Variants in BRD4 observed in about 807,000 individuals in gnomAD.
The protein encoded by BRD4 is bromodomain-containing protein 4.
In BRD4, 16 loss-of-function variants were observed where a neutral mutation model predicts 142.1. That is an observed-to-expected ratio of 0.11 (90% CI 0.08 to 0.17). The LOEUF (loss-of-function observed/expected upper bound fraction) is 0.17, where lower values mean the gene tolerates loss of function less well. BRD4 is among the 10% of genes least tolerant of loss of function. The probability of loss-of-function intolerance (pLI) is 1.00; values close to 1 mark genes in which losing one functional copy is unlikely to be tolerated. For missense variants in BRD4, 1,424 were observed against 1,810.9 expected (o/e 0.79, Z 3.88); for synonymous variants, 833 against 707.5 (o/e 1.18, Z -2.82).
chr19:15,264,817 C>T lies in BRD4; in HGVS notation c.850-51G>A, dbSNP rs1296204951. On this transcript the variant is annotated intron_variant, in intron 5 of 19. Coordinates refer to ENST00000679869, the MANE Select transcript of BRD4 (RefSeq NM_001379291.1). ...GCACAGTCAGAAGTGGCAGCCGGCACAGCTGCCCTCAGGGTCACCCCCAAA... is the reference window on the plus strand; with the variant it reads ...GCACAGTCAGAAGTGGCAGCCGGCATAGCTGCCCTCAGGGTCACCCCCAAA... 7 of 1,555,182 alleles carry T rather than the reference C, an allele frequency of 4.5e-6. No homozygotes were observed. In the South Asian group the frequency reaches 7.4e-5, roughly 16 times the overall value.
At position 15,239,203 on chromosome 19, in the gene BRD4, G is replaced by C; in HGVS notation, c.3638C>G (p.Pro1213Arg). 1.9e-6 allele frequency: 3 copies of C among 1,613,136 alleles called. No homozygotes were observed. Among genetic ancestry groups the C allele is most frequent in the Non-Finnish European group, 2.5e-6 (3 of 1,180,016 alleles). The change falls in exon 18 of 20, where the codon CCC (proline) becomes CGC (arginine). Residue 1213 changes from proline (P) to arginine (R), a missense_variant. Around this residue, in one of 16 missense-constraint regions of BRD4, gnomAD observed 49 missense variants for 97.3 expected, o/e 0.50. Transcript: ENST00000679869. The surrounding 1 kb of genome is among the most constrained non-coding windows in gnomAD (Gnocchi z 7.4). The stretch of plus-strand genomic sequence containing the variant: ...GCTGGATGACTTGGCTGTGGAGGAG[G>C]GGGTGGTCGGATGCTTCTGCACTAG... Reference protein sequence around the residue: ...ASLVQKHPTTPSSTAKSSSDS... With the variant: ...ASLVQKHPTTRSSTAKSSSDS...
chr19:15,257,460 C>T (rs983128964), intron 7 of BRD4: 4 of 480,378 alleles, frequency 8.3e-6, no homozygotes, highest in East Asian at 7.0e-5. Context: ...GACATGAGAC[C>T]CAGGCCACTA....
At chr19:15,273,271 C>G (rs2047609906) in intron 1 of BRD4, 138 bp from the exon 2 acceptor site, 8 of 794,394 alleles carry the variant, frequency 1.0e-5, no homozygotes, top group Non-Finnish European at 1.4e-5. Context: ...GAGGGACCAC[C>G]CCATGCTTTG....
At chr19:15,274,091 G>C (rs922168977) in intron 1 of BRD4, among the ~76,000 whole-genome samples, 1 of 152,208 alleles carries the variant, frequency 6.6e-6, no homozygotes, top group African/African-American at 2.4e-5. Context: ...GTGGAGATAG[G>C]AGGCCAGTGA....
intron 11 of BRD4, among the ~76,000 whole-genome samples, chr19:15,252,114 G>C (rs1289483310): frequency 6.6e-6 from 1 of 152,170 alleles, no homozygotes; most frequent in South Asian, 2.1e-4. Flanking sequence ...GGCAGGAGGG[G>C]TGTGGGGCAC....
rs1383276583 is a variant in BRD4, at chr19:15,278,145, A to C, written c.-34-5012T>G. 4.1e-5 allele frequency among the ~76,000 whole-genome samples: 6 copies of C among 148,082 alleles called. 1 individual carries two copies. The highest frequency in any genetic ancestry group is 4.3e-4 in the South Asian group (2 of 4,650). On this transcript the variant is annotated intron_variant, in intron 1 of 19. Coordinates refer to ENST00000679869, the MANE Select transcript of BRD4 (RefSeq NM_001379291.1). ...AAAAAAAAAAAAAAAAAAAAATCAA[A>C]ATCAACATCAACAGGAGATGCAGGT...
At chr19:15,322,960 G>A (rs576736190) in intron 1 of BRD4, among the ~76,000 whole-genome samples, 2 of 151,688 alleles carry the variant, frequency 1.3e-5, no homozygotes, top group South Asian at 4.2e-4. Context: ...TGAGGCAGGA[G>A]AATGGCGTGG....
intron 11 of BRD4, among the ~76,000 whole-genome samples, chr19:15,252,019 C>T (rs2047353057): frequency 6.6e-6 from 1 of 152,204 alleles, no homozygotes; most frequent in South Asian, 2.1e-4. Context: ...GACAGCTGTT[C>T]CCAGGACTCT....
chr19:15,265,453 G>A lies in BRD4; in HGVS notation c.750C>T (p.Pro250=). The change falls in exon 5 of 20, where the codon CCC becomes CCT. Residue 250 remains proline (P), a synonymous_variant. Coordinates refer to ENST00000679869, the MANE Select transcript of BRD4 (RefSeq NM_001379291.1). ...TVVPPQPLQT[P]PPVPPQPQPP... ...GTTGTGGCTGGGGGGGCACTGGCGG[G>A]GGCGTCTGCAGTGGCTGGGGAGGCA... 1 of 1,582,450 alleles carries A rather than the reference G, an allele frequency of 6.3e-7. No homozygotes were observed. Among genetic ancestry groups the A allele is most frequent in the Non-Finnish European group, 8.6e-7 (1 of 1,162,512 alleles).
At position 15,331,592 on chromosome 19, in the gene BRD4, C is replaced by G. The variant is rs890007954; in HGVS notation, c.-35+698G>C. Among the ~76,000 whole-genome samples the G allele has an allele frequency of 3.9e-5, 6 of 152,190 alleles. No homozygotes were observed. In the South Asian group the frequency reaches 1.2e-3, roughly 31 times the overall value. ...GCCCTGAGGCCTGGCCTCAGACCGGCGTGCAGCCGCAGCCACCTCCCTCCG... is the reference window on the plus strand; with the variant it reads ...GCCCTGAGGCCTGGCCTCAGACCGGGGTGCAGCCGCAGCCACCTCCCTCCG... On this transcript the variant is annotated intron_variant, in intron 1 of 19. Transcript: ENST00000679869.
In BRD4 at chr19:15,240,873, A is replaced by C. The variant is rs565122849; in HGVS notation, c.3170-851T>G. ...GGACAAGCCACACTGTCCACAGAGG[A>C]GGCTGCCCCTCTGCAACGCTTTTGC... On this transcript the variant is annotated intron_variant, in intron 14 of 19. Transcript: ENST00000679869. Among the ~76,000 whole-genome samples the C allele has an allele frequency of 3.8e-4, 58 of 152,262 alleles. No homozygotes were observed. In the South Asian group the frequency reaches 8.5e-3, roughly 22 times the overall value.
At chr19:15,322,368 T>G (rs1174257574) in intron 1 of BRD4, among the ~76,000 whole-genome samples, 1 of 151,296 alleles carries the variant, frequency 6.6e-6, no homozygotes, top group Non-Finnish European at 1.5e-5. Flanking sequence ...GCCTCCCGGG[T>G]TCACGCCATT....
intron 4 of BRD4, among the ~76,000 whole-genome samples, chr19:15,266,626 G>A (rs773649976): frequency 2.6e-5 from 4 of 152,192 alleles, no homozygotes; most frequent in Non-Finnish European, 5.9e-5. Context: ...GCCACAGGGT[G>A]ACACGTGAGA....
intron 1 of BRD4, among the ~76,000 whole-genome samples, chr19:15,284,779 G>A (rs1027308781): frequency 1.3e-5 from 2 of 152,178 alleles, no homozygotes; most frequent in Non-Finnish European, 2.9e-5. Context: ...TAAAGGAGCA[G>A]AATAAAATGA....
chr19:15,251,636 C>T (rs1044768282), intron 11 of BRD4, among the ~76,000 whole-genome samples: 4 of 152,160 alleles, frequency 2.6e-5, no homozygotes, highest in Non-Finnish European at 5.9e-5. Flanking sequence ...CTCTGCCCCC[C>T]GCCCTGAGAG....
In BRD4 at chr19:15,243,317, G is replaced by A. The variant is rs1599433378; in HGVS notation, c.2752C>T (p.Pro918Ser). Residue 918 changes from proline (P) to serine (S), a missense_variant, in exon 14 of 20, where the codon CCA becomes TCA. Around this residue, in one of 16 missense-constraint regions of BRD4, gnomAD observed 598 missense variants for 647.8 expected, o/e 0.92. Coordinates refer to ENST00000679869, the MANE Select transcript of BRD4 (RefSeq NM_001379291.1). ...ATGGAGGTGAGGGGTGGGGCAGGTG[G>A]CTCTTCATCCTCCAGCAGCACTTGG... Reference protein sequence around the residue: ...PPQVLLEDEEPPAPPLTSMQM... With the variant: ...PPQVLLEDEESPAPPLTSMQM... 3.3e-6 allele frequency: 4 copies of A among 1,229,542 alleles called. No homozygotes were observed. Among genetic ancestry groups the A allele is most frequent in the African/African-American group, 3.5e-5 (2 of 57,842 alleles). 76.2% of individuals were successfully genotyped at this position (1,229,542 alleles called of 1,614,324 possible).
rs57341445 is a variant in BRD4 at position 15,292,777 on chromosome 19, CAAAAAAAAAAAAAAAAAAAAAAAAAAAA to C, written c.-34-19672_-34-19645del. Reference sequence around the variant, plus strand: ...TAGGTGACAGATCAAGACTCCGTCTCAAAAAAAAAAAAAAAAAAAAAAAAAAAAAAAAAAAAAAGAAAGAAAGAAAGAA... The same window carrying C: ...TAGGTGACAGATCAAGACTCCGTCTCAAAAAAAAAAGAAAGAAAGAAAGAA... On this transcript the variant is annotated intron_variant, in intron 1 of 19. Transcript: ENST00000679869. Among the ~76,000 whole-genome samples, 204 of 57,268 alleles carry C rather than the reference CAAAAAAAAAAAAAAAAAAAAAAAAAAAA, an allele frequency of 3.6e-3. 3 individuals are homozygous for C. Among genetic ancestry groups the C allele is most frequent in the African/African-American group, 0.012 (191 of 15,974 alleles). The allele number at this position is 57,268 out of a possible 152,430, so 37.6% of individuals were successfully genotyped here.
At chr19:15,287,855 C>T (rs2047751985) in intron 1 of BRD4, among the ~76,000 whole-genome samples, 1 of 151,938 alleles carries the variant, frequency 6.6e-6, no homozygotes, top group Admixed American at 6.6e-5. Context: ...TTGCAACCTC[C>T]ACCTCCTGGG....
chr19:15,263,906 G>A (rs1267533845), intron 6 of BRD4, among the ~76,000 whole-genome samples: 1 of 152,208 alleles, frequency 6.6e-6, no homozygotes, highest in Non-Finnish European at 1.5e-5. Context: ...TCCCTGCTCT[G>A]CCTGCCCCAT....
Sources: allele counts gnomAD v4.1 joint callset (sites outside exome capture counted in the v4.1 genomes callset), GRCh38; gene constraint gnomAD v4.1.1; regional missense constraint gnomAD v4.1.1; non-coding constraint Gnocchi (gnomAD v3.1); transcripts MANE v1.5; gene names NCBI Gene and HGNC (gene_info 2026-07-23, HGNC 2026-07-21).